The following TF variants were observed in gnomAD, a reference collection of about 807,000 sequenced individuals.
The protein encoded by TF is transferrin.
Under a neutral mutation model 82.4 loss-of-function variants are expected in TF, and 55 were observed. The observed-to-expected ratio is 0.67, with a 90% CI of 0.54 to 0.84. The LOEUF is 0.84. TF is among the 40% of genes least tolerant of loss of function. The pLI, the probability that TF is intolerant of heterozygous loss-of-function variation, is 0.00. For missense variants in TF, 737 were observed against 868.4 expected (o/e 0.85, Z 1.90); for synonymous variants, 332 against 332.6 (o/e 1.00, Z 0.02).
At chr3:133,700,598 T>A in the TF span, among the ~76,000 whole-genome samples, 1 of 152,140 alleles carries the variant, frequency 6.6e-6, no homozygotes, top group Non-Finnish European at 1.5e-5. Flanking sequence ...CAGCCTTTGC[T>A]GAACTGCCCC....
the TF span, among the ~76,000 whole-genome samples, chr3:133,674,655 G>A: frequency 6.6e-6 from 1 of 152,176 alleles, no homozygotes; most frequent in Admixed American, 6.5e-5. Flanking sequence ...GTAAGTGAGC[G>A]CTGGGAGTCG....
chr3:133,791,506 T>G lies in TF; in HGVS notation c.*12886T>G, dbSNP rs1934829927. On this transcript the variant is annotated 3_prime_UTR_variant, in exon 17 of 17. Transcript: ENST00000402696. ...CTGTGCAAACTGCATAAATGAATAG[T>G]AAAAGTCACTGTTTATCTCCTCTGT... is the stretch of plus-strand genomic sequence containing the variant. 6.6e-6 allele frequency: 1 copy of G among 152,200 alleles called. No homozygotes were observed. Among genetic ancestry groups the G allele is most frequent in the Non-Finnish European group, 1.5e-5 (1 of 68,040 alleles). 9.4% of individuals were successfully genotyped at this position (152,200 alleles called of 1,614,324 possible).
chr3:133,759,301 CCA>C lies in TF; in HGVS notation c.1177_1178del (p.Thr393ArgfsTer13). ...AAAATAGAGTGTGTATCAGCAGAGA[CCA>C]CCGAAGACTGCATCGCCAAGATCAT... is the stretch of plus-strand genomic sequence containing the variant. On this transcript the variant is annotated frameshift_variant, in exon 9 of 17. Coordinates refer to ENST00000402696, the MANE Select transcript of TF (RefSeq NM_001063.4). LOFTEE classifies it high-confidence loss of function. The C allele has an allele frequency of 6.2e-7, 1 of 1,613,782 alleles. No homozygotes were observed. The highest frequency in any genetic ancestry group is 8.5e-7 in the Non-Finnish European group (1 of 1,179,976).
intron 15 of TF, among the ~76,000 whole-genome samples, chr3:133,776,179 C>T (rs926717833): frequency 1.4e-4 from 21 of 152,196 alleles, no homozygotes; most frequent in African/African-American, 5.1e-4. Flanking sequence ...CTCCTGTTTC[C>T]CAGCGCTTGT....
In TF at chr3:133,777,172, T is replaced by C; in HGVS notation, c.1996T>C (p.Tyr666His). The C allele has an allele frequency of 6.2e-7, 1 of 1,614,016 alleles. No homozygotes were observed. Among genetic ancestry groups the C allele is most frequent in the East Asian group, 2.2e-5 (1 of 44,866 alleles). ...CLAKLHDRNT[Y>H]EKYLGEEYVK... Reference sequence around the variant, plus strand: ...GGCCAAACTTCATGACAGAAACACATATGAAAAATACTTAGGAGAAGAATA... The same window carrying C: ...GGCCAAACTTCATGACAGAAACACACATGAAAAATACTTAGGAGAAGAATA... Residue 666 changes from tyrosine (Y) to histidine (H), a missense_variant, in exon 16 of 17, where the codon TAT becomes CAT. Tyr to His is a moderately conservative substitution (Grantham distance 83). Transcript: ENST00000402696.
the TF span, among the ~76,000 whole-genome samples, chr3:133,703,009 T>C: frequency 6.6e-6 from 1 of 152,214 alleles, no homozygotes; most frequent in Non-Finnish European, 1.5e-5. Context: ...GTATATTTTC[T>C]TAAATAATGA....
chr3:133,771,947 C>T (rs1183601418), intron 14 of TF, among the ~76,000 whole-genome samples: 1 of 152,030 alleles, frequency 6.6e-6, no homozygotes, highest in Admixed American at 6.6e-5. Flanking sequence ...TGCCTTCTCT[C>T]ATGTTCATTC....
upstream of TF, among the ~76,000 whole-genome samples, chr3:133,741,326 C>T (rs1012976719): frequency 5.9e-5 from 9 of 152,226 alleles, no homozygotes; most frequent in Middle Eastern, 3.4e-3. Context: ...ACTCTAGTTT[C>T]TTCAGAATTT....
intron 11 of TF, among the ~76,000 whole-genome samples, chr3:133,765,325 A>G (rs1934100904): frequency 1.3e-5 from 2 of 152,246 alleles, no homozygotes; most frequent in South Asian, 2.1e-4. Flanking sequence ...ACAGGGCTCA[A>G]TAGAGAGCCT....
chr3:133,735,134 A>G, the TF span, among the ~76,000 whole-genome samples: 9 of 152,202 alleles, frequency 5.9e-5, no homozygotes, highest in East Asian at 1.7e-3. Context: ...CGAGGTCAGG[A>G]GTTCAAGACC....
intron 12 of TF, 152 bp from the exon 13 acceptor site, chr3:133,767,877 A>G (rs1311867461): frequency 5.4e-6 from 5 of 921,498 alleles, no homozygotes; most frequent in African/African-American, 4.9e-5. Context: ...TTTAAAGCCT[A>G]TAGCCTGGCA....
In TF at chr3:133,765,827, G is replaced by A. The variant is rs1934113337; in HGVS notation, c.1331-451G>A. Among the ~76,000 whole-genome samples, 6 of 152,070 alleles carry A rather than the reference G, an allele frequency of 3.9e-5. No homozygotes were observed. In the South Asian group the frequency reaches 1.0e-3, roughly 26 times the overall value. ...TTTTCCATTTTGCATATTTATTTTG[G>A]TATAAAACTATATTCTCCTTATCAG... is the stretch of plus-strand genomic sequence containing the variant. On this transcript the variant is annotated intron_variant, in intron 11 of 16. Transcript: ENST00000402696.
chr3:133,754,598 G>T lies in TF; in HGVS notation c.429G>T (p.Arg143Ser). Residue 143 changes from arginine (R) to serine (S), a missense_variant, in exon 4 of 17, where the codon AGG (arginine) becomes AGT (serine). Coordinates refer to ENST00000402696, the MANE Select transcript of TF (RefSeq NM_001063.4). ...GKKSCHTGLG[R>S]SAGWNIPIGL... ...AGTCCTGCCACACGGGTCTAGGCAG[G>T]TCCGCTGGGTGGAACATCCCCATAG... is the stretch of plus-strand genomic sequence containing the variant. 1 of 1,614,244 alleles carries T rather than the reference G, an allele frequency of 6.2e-7. No homozygotes were observed. Among genetic ancestry groups the T allele is most frequent in the Non-Finnish European group, 8.5e-7 (1 of 1,180,046 alleles).
At chr3:133,724,024 A>G in the TF span, among the ~76,000 whole-genome samples, 1 of 152,142 alleles carries the variant, frequency 6.6e-6, no homozygotes, top group African/African-American at 2.4e-5. Context: ...CATGGTGTAT[A>G]TGTGCCACAT....
rs1553742153 is a variant in TF, at chr3:133,786,222, TAAAAAA to T, written c.*7615_*7620del. 1 of 84,352 alleles carries T rather than the reference TAAAAAA, an allele frequency of 1.2e-5. No individual in the cohort carries two copies. The highest frequency in any genetic ancestry group is 5.5e-4 in the South Asian group (1 of 1,824). 5.2% of individuals were successfully genotyped at this position (84,352 alleles called of 1,614,324 possible). ...AAGAATTATCAATAAAAAAATAAATTAAAAAAAAAAAAAAAAAACAATACTATTTTT... is the reference window on the plus strand; with the variant it reads ...AAGAATTATCAATAAAAAAATAAATTAAAAAAAAAAAACAATACTATTTTT... On this transcript the variant is annotated 3_prime_UTR_variant, in exon 17 of 17. Coordinates refer to ENST00000402696, the MANE Select transcript of TF (RefSeq NM_001063.4).
At chr3:133,739,599 G>A in the TF span, among the ~76,000 whole-genome samples, 3 of 151,188 alleles carry the variant, frequency 2.0e-5, no homozygotes, top group African/African-American at 7.3e-5. Context: ...AATCTACAGG[G>A]AACATAAACA....
the TF span, chr3:133,699,478 A>G: frequency 3.2e-6 from 4 of 1,234,140 alleles, no homozygotes; most frequent in South Asian, 3.5e-5. Context: ...AAGGACCAGT[A>G]TGAGCTGCTT....
In TF at chr3:133,790,615, A is replaced by T. The variant is rs1934808408; in HGVS notation, c.*11995A>T. ...TTCATAGTGAAAGCTGTTAGTCTTG[A>T]TAAAAGTAAAATAAGCATTGTAAAG... On this transcript the variant is annotated 3_prime_UTR_variant, in exon 17 of 17. Transcript: ENST00000402696. The T allele has an allele frequency of 6.6e-6, 1 of 152,270 alleles. No homozygotes were observed. The highest frequency in any genetic ancestry group is 2.4e-5 in the African/African-American group (1 of 41,474). The allele number at this position is 152,270 out of a possible 1,614,324, so 9.4% of individuals were successfully genotyped here.
the TF span, among the ~76,000 whole-genome samples, chr3:133,718,911 A>AAG: frequency 6.6e-6 from 1 of 152,178 alleles, no homozygotes; most frequent in East Asian, 1.9e-4. Flanking sequence ...GCATGAAGGA[A>AAG]AGACATAGGG....
Sources: allele counts gnomAD v4.1 joint callset (sites outside exome capture counted in the v4.1 genomes callset), GRCh38; gene constraint gnomAD v4.1.1; transcripts MANE v1.5; gene names NCBI Gene and HGNC (gene_info 2026-07-23, HGNC 2026-07-21).